ADAMTS9: variants seen among roughly 807,000 people sequenced by gnomAD.
ADAMTS9 encodes A disintegrin and metalloproteinase with thrombospondin motifs 9.
A neutral mutation model predicts 257.1 loss-of-function variants in ADAMTS9; 107 were observed. The ratio of observed to expected loss-of-function variants is 0.42; its 90% confidence interval spans 0.36 to 0.49. The LOEUF is 0.49. ADAMTS9 is among the 20% of genes least tolerant of loss of function. The pLI is 0.03. For missense variants in ADAMTS9, 2,353 were observed against 2,469.1 expected (o/e 0.95, Z 1.00); for synonymous variants, 982 against 880.9 (o/e 1.11, Z -2.03).
intron 18 of ADAMTS9, 120 bp from the exon 19 acceptor site, chr3:64,621,360 T>G: frequency 8.5e-7 from 1 of 1,180,730 alleles, no homozygotes; most frequent in Non-Finnish European, 1.2e-6. Context: ...TCAGAGCGTA[T>G]GATCTCTGTT....
At chr3:64,619,310 A>T (rs1700046651) in intron 19 of ADAMTS9, among the ~76,000 whole-genome samples, 1 of 152,078 alleles carries the variant, frequency 6.6e-6, no homozygotes, top group Non-Finnish European at 1.5e-5. Context: ...GGGCAAAAAA[A>T]CTCATGGGAA....
chr3:64,534,815 G>A (rs1244279412), intron 37 of ADAMTS9, among the ~76,000 whole-genome samples: 1 of 151,998 alleles, frequency 6.6e-6, no homozygotes, highest in Non-Finnish European at 1.5e-5. Context: ...GCATCTGGCG[G>A]GTAGAGACCA....
At chr3:64,662,882 A>T (rs1034436793) in intron 3 of ADAMTS9, among the ~76,000 whole-genome samples, 1 of 152,174 alleles carries the variant, frequency 6.6e-6, no homozygotes, top group Non-Finnish European at 1.5e-5. Flanking sequence ...AATTCCACAC[A>T]TAAGTATTTA....
At chr3:64,668,242 T>A (rs1419006683) in intron 3 of ADAMTS9, among the ~76,000 whole-genome samples, 3 of 152,206 alleles carry the variant, frequency 2.0e-5, no homozygotes, top group Admixed American at 2.0e-4. Context: ...AGTAGCCACG[T>A]TTTTTTAACG....
Position 64,561,620 on chromosome 3 carries a change from T to C in ADAMTS9, c.4656A>G (p.Pro1552=). ...RPESERDCQG[P]RCPLYTWRAE... ...CCCTCCAAGTGTAGAGGGGACACCG[T>C]GGGCCTTGGCAGTCGCGTTCCGACT... Residue 1552 remains proline (P), a synonymous_variant, in exon 30 of 40, where the codon CCA becomes CCG. Transcript: ENST00000498707. 6.2e-7 allele frequency: 1 copy of C among 1,614,022 alleles called. No individual in the cohort carries two copies. Among genetic ancestry groups the C allele is most frequent in the South Asian group, 1.1e-5 (1 of 91,072 alleles).
In ADAMTS9 at chr3:64,637,084, G is replaced by T. The variant is rs551635268; in HGVS notation, c.1857-3205C>A. ...TTGATTTGCTTTTATGTAAAGGCAGGTTACAATTTCTTCCTTAATTATTGA... is the reference window on the plus strand; with the variant it reads ...TTGATTTGCTTTTATGTAAAGGCAGTTTACAATTTCTTCCTTAATTATTGA... On this transcript the variant is annotated intron_variant, in intron 12 of 39. Transcript: ENST00000498707. Among the ~76,000 whole-genome samples the T allele has an allele frequency of 2.6e-5, 4 of 152,212 alleles. No homozygotes were observed. The South Asian group carries it at 8.3e-4, about 32-fold the overall frequency.
intron 22 of ADAMTS9, among the ~76,000 whole-genome samples, chr3:64,608,258 C>CAAAAAAAAAAAAAAAA (rs57247914): frequency 1.9e-5 from 1 of 53,302 alleles, no homozygotes; most frequent in East Asian, 4.9e-4. Flanking sequence ...AAACTAAAAC[C>CAAAAAAAAAAAAAAAA]AAAAAAAAAA....
At position 64,621,251 on chromosome 3, in the gene ADAMTS9, AG is replaced by A; in HGVS notation, c.2687-12del. ...TTCGTTTCCGTTCCCCTAAGCAGAA[AG>A]GGAAAAAAAATTATTCAGGGAAAAT... On this transcript the variant is annotated splice_polypyrimidine_tract_variant and intron_variant, in intron 18 of 39. Coordinates refer to ENST00000498707, the MANE Select transcript of ADAMTS9 (RefSeq NM_182920.2). 6.2e-7 allele frequency: 1 copy of A among 1,606,098 alleles called. No homozygotes were observed. Among genetic ancestry groups the A allele is most frequent in the Non-Finnish European group, 8.5e-7 (1 of 1,177,198 alleles).
At chr3:64,533,137 C>A in intron 38 of ADAMTS9, 29 bp downstream of exon 38, 2 of 1,563,644 alleles carry the variant, frequency 1.3e-6, no homozygotes, top group South Asian at 1.1e-5. Flanking sequence ...AATAAAAATT[C>A]ATCTCCCAAC....
At position 64,686,321 on chromosome 3, in the gene ADAMTS9, G is replaced by A. The variant is rs1439353898; in HGVS notation, c.516+247C>T. ...GCGTTGGGCAACGCGCCGCTGAACC[G>A]AGTCCAAACTCCAGAAAGCTCTGAA... On this transcript the variant is annotated intron_variant, in intron 2 of 39. Coordinates refer to ENST00000498707, the MANE Select transcript of ADAMTS9 (RefSeq NM_182920.2). The surrounding 1 kb of genome is among the most constrained non-coding windows in gnomAD (Gnocchi z 4.6). 2.0e-5 allele frequency among the ~76,000 whole-genome samples: 3 copies of A among 152,262 alleles called. No homozygotes were observed. The highest frequency in any genetic ancestry group is 2.9e-5 in the Non-Finnish European group (2 of 68,048).
intron 3 of ADAMTS9, among the ~76,000 whole-genome samples, chr3:64,675,733 C>T (rs550982385): frequency 7.2e-5 from 11 of 152,276 alleles, no homozygotes; most frequent in African/African-American, 2.6e-4. Flanking sequence ...AAGGCTCAGA[C>T]TCTCTTCTTC....
At chr3:64,639,298 T>G (rs961148891) in intron 12 of ADAMTS9, among the ~76,000 whole-genome samples, 12 of 144,066 alleles carry the variant, frequency 8.3e-5, no homozygotes, top group Non-Finnish European at 1.4e-4. Context: ...GGATTGTTTT[T>G]TTTTTTTTTT....
chr3:64,600,491 A>G (rs1458522516), intron 26 of ADAMTS9, among the ~76,000 whole-genome samples: 1 of 152,260 alleles, frequency 6.6e-6, no homozygotes, highest in African/African-American at 2.4e-5. Flanking sequence ...TCTTAAAGGA[A>G]TGCATCATCC....
At chr3:64,617,701 T>C (rs977339293) in intron 19 of ADAMTS9, among the ~76,000 whole-genome samples, 6 of 152,198 alleles carry the variant, frequency 3.9e-5, no homozygotes, top group Admixed American at 2.6e-4. Flanking sequence ...TAAGAACGAC[T>C]GAATTCAAAA....
chr3:64,552,325 C>T (rs143987776), intron 30 of ADAMTS9, among the ~76,000 whole-genome samples: 44 of 152,274 alleles, frequency 2.9e-4, no homozygotes, highest in African/African-American at 1.0e-3. Context: ...CACCAAACCC[C>T]ACCCCTGAAG....
chr3:64,541,239 C>A lies in ADAMTS9; in HGVS notation c.5388-11G>T. The A allele has an allele frequency of 1.2e-6, 2 of 1,614,168 alleles. No homozygotes were observed. The highest frequency in any genetic ancestry group is 1.7e-6 in the Non-Finnish European group (2 of 1,180,002). On this transcript the variant is annotated splice_polypyrimidine_tract_variant and intron_variant, in intron 35 of 39. Transcript: ENST00000498707. ...GTTGGGTTGTGTAACCTAAATTATA[C>A]AGAGAATGTTCTGGTAAGGATGGGA... is the stretch of plus-strand genomic sequence containing the variant.
chr3:64,604,482 T>C (rs2084523881), intron 23 of ADAMTS9, 151 bp from the exon 24 acceptor site: 1 of 539,296 alleles, frequency 1.9e-6, no homozygotes, highest in African/African-American at 1.9e-5. Context: ...CATCTCTCAG[T>C]CCCAATGTCT....
At chr3:64,595,970 C>T (rs1040850024) in intron 27 of ADAMTS9, among the ~76,000 whole-genome samples, 1 of 152,098 alleles carries the variant, frequency 6.6e-6, no homozygotes, top group African/African-American at 2.4e-5. Flanking sequence ...AGCATCTAGG[C>T]CCTATGTATA....
chr3:64,566,164 T>A (rs1049756595), intron 29 of ADAMTS9, among the ~76,000 whole-genome samples: 3 of 152,208 alleles, frequency 2.0e-5, no homozygotes, highest in Admixed American at 1.3e-4. Flanking sequence ...CAATCATTAC[T>A]CTTGCTTACT....
Sources: gnomAD v4.1 joint callset for allele counts (sites outside exome capture counted in the v4.1 genomes callset) on GRCh38, gnomAD v4.1.1 for gene constraint, Gnocchi (gnomAD v3.1) non-coding constraint, MANE v1.5 for transcripts, NCBI Gene and HGNC (gene_info 2026-07-23, HGNC 2026-07-21) for gene names.